The following SAE1 variants were observed in gnomAD, a reference collection of about 807,000 sequenced individuals.
SAE1 encodes SUMO-activating enzyme subunit 1.
Under a neutral mutation model 40.6 loss-of-function variants are expected in SAE1, and 11 were observed. The observed-to-expected ratio is 0.27, with a 90% CI of 0.17 to 0.45. The LOEUF (loss-of-function observed/expected upper bound fraction) is 0.45. Ranked by LOEUF, SAE1 falls within the 20% of genes least tolerant of loss-of-function variation. SAE1 has a pLI of 1.00. For missense variants in SAE1, 373 were observed against 427.3 expected, an observed-to-expected ratio of 0.87 and a Z score of 1.12; for synonymous variants, 155 against 154.3, an observed-to-expected ratio of 1.00 and a Z score of -0.03.
intron 2 of SAE1, among the ~76,000 whole-genome samples, chr19:47,147,354 C>T (rs986573129): frequency 1.3e-5 from 2 of 151,552 alleles, no homozygotes; most frequent in African/African-American, 4.8e-5. Context: ...TACAGGTGCA[C>T]GCCACCACAC....
chr19:47,188,571 G>C (rs1172168538), intron 6 of SAE1, among the ~76,000 whole-genome samples: 1 of 152,088 alleles, frequency 6.6e-6, no homozygotes, highest in African/African-American at 2.4e-5. Context: ...CTGGGTTTCT[G>C]GACTTTGCTT....
chr19:47,155,058 TCCAA>T, intron 4 of SAE1, 52 bp from the exon 5 acceptor site: 3 of 1,126,782 alleles, frequency 2.7e-6, no homozygotes, highest in Admixed American at 3.7e-5. Flanking sequence ...TTTTTTTGAT[TCCAA>T]TAACATGATT....
chr19:47,155,039 TG>T, intron 4 of SAE1, 74 bp from the exon 5 acceptor site: 1 of 928,726 alleles, frequency 1.1e-6, no homozygotes, highest in Non-Finnish European at 1.8e-6. Context: ...ATCTGTGACC[TG>T]GAGAGGCTTT....
At chr19:47,208,715 G>A (rs1198723791) in intron 8 of SAE1, among the ~76,000 whole-genome samples, 1 of 152,018 alleles carries the variant, frequency 6.6e-6, no homozygotes, top group Non-Finnish European at 1.5e-5. Context: ...GTGAGCCACT[G>A]CGCCCCACCT....
rs114004266 is a variant in SAE1, at chr19:47,141,686, A to G, written c.99-1808A>G. Among the ~76,000 whole-genome samples the G allele has an allele frequency of 4.3e-3, 660 of 152,162 alleles. 5 individuals are homozygous for G. The highest frequency in any genetic ancestry group is 0.015 in the African/African-American group (626 of 41,528). On this transcript the variant is annotated intron_variant, in intron 1 of 8. Coordinates refer to ENST00000270225, the MANE Select transcript of SAE1 (RefSeq NM_005500.3). ...AGGCATTGAGAGGAAGAAATGGTGC[A>G]TTTTGCGAGGGTGGAATGTTGTGAT...
At chr19:47,190,824 C>T (rs771106649) in intron 6 of SAE1, among the ~76,000 whole-genome samples, 2 of 152,186 alleles carry the variant, frequency 1.3e-5, no homozygotes, top group Non-Finnish European at 2.9e-5. Context: ...CCACTTCTCA[C>T]CCACTGAACT....
chr19:47,133,760 C>G (rs1390705238), intron 1 of SAE1, among the ~76,000 whole-genome samples: 2 of 152,062 alleles, frequency 1.3e-5, no homozygotes, highest in Non-Finnish European at 2.9e-5. Context: ...GAGCACCTAC[C>G]TGGAACGATG....
At chr19:47,181,055 G>A (rs1362419263) in intron 6 of SAE1, among the ~76,000 whole-genome samples, 4 of 152,096 alleles carry the variant, frequency 2.6e-5, no homozygotes, top group South Asian at 2.1e-4. Flanking sequence ...GGTGGCTCAC[G>A]CCTATAATCC....
intron 6 of SAE1, among the ~76,000 whole-genome samples, chr19:47,196,871 AC>A (rs1400607915): frequency 2.0e-5 from 3 of 151,904 alleles, no homozygotes; most frequent in South Asian, 2.1e-4. Flanking sequence ...TGCCTCTCTG[AC>A]TATGTTTGTT....
chr19:47,175,831 G>A (rs2058465629), intron 6 of SAE1, among the ~76,000 whole-genome samples: 1 of 152,176 alleles, frequency 6.6e-6, no homozygotes, highest in Admixed American at 6.6e-5. Flanking sequence ...CACCACCATA[G>A]TAGAAAAAAC....
At chr19:47,138,045 A>T (rs956947086) in intron 1 of SAE1, among the ~76,000 whole-genome samples, 69 of 140,950 alleles carry the variant, frequency 4.9e-4, no homozygotes, top group African/African-American at 1.7e-3. Context: ...TGTGTATTTT[A>T]TTTTTTTATT....
At chr19:47,194,525 T>G (rs1326403869) in intron 6 of SAE1, among the ~76,000 whole-genome samples, 1 of 152,202 alleles carries the variant, frequency 6.6e-6, no homozygotes, top group Non-Finnish European at 1.5e-5. Context: ...TGTAAAGCAC[T>G]CAGGGCTTGG....
intron 5 of SAE1, among the ~76,000 whole-genome samples, chr19:47,157,038 C>T (rs1377137743): frequency 1.3e-5 from 2 of 152,140 alleles, no homozygotes; most frequent in Non-Finnish European, 2.9e-5. Context: ...AGTTAAATTA[C>T]GCTAACGAGG....
Position 47,210,533 on chromosome 19 carries a change from T to C in SAE1, c.*1282T>C, listed in dbSNP as rs1268005052. 1 of 152,260 alleles carries C rather than the reference T, an allele frequency of 6.6e-6. No individual in the cohort carries two copies. Among genetic ancestry groups the C allele is most frequent in the Non-Finnish European group, 1.5e-5 (1 of 68,044 alleles). 9.4% of individuals were successfully genotyped at this position (152,260 alleles called of 1,614,324 possible). A position where few individuals can be genotyped will look rare whatever the true frequency, so the allele number is the denominator to read the frequency against. ...CTTTTATTGGAAGACCAGGTTTGCC[T>C]TGATGCAGCCAAAGTGCGTTCCAGT... On this transcript the variant is annotated 3_prime_UTR_variant, in exon 9 of 9. Coordinates refer to ENST00000270225, the MANE Select transcript of SAE1 (RefSeq NM_005500.3).
intron 2 of SAE1, 106 bp from the exon 3 acceptor site, chr19:47,150,093 AAAT>A: frequency 1.3e-6 from 1 of 755,072 alleles, no homozygotes; most frequent in Non-Finnish European, 1.9e-6. Flanking sequence ...AAAAAAAAAA[AAAT>A]TTAGGTGGTA....
intron 6 of SAE1, among the ~76,000 whole-genome samples, chr19:47,171,121 C>T (rs528517917): frequency 6.0e-5 from 9 of 149,160 alleles, no homozygotes; most frequent in Admixed American, 5.3e-4. Context: ...ACTGCAGGCG[C>T]GTGCCACCAC....
At chr19:47,140,738 C>T (rs529575414) in intron 1 of SAE1, among the ~76,000 whole-genome samples, 3 of 152,152 alleles carry the variant, frequency 2.0e-5, no homozygotes, top group South Asian at 4.1e-4. Flanking sequence ...GAGGCTGCAG[C>T]GAGCCCTGAT....
intron 5 of SAE1, among the ~76,000 whole-genome samples, chr19:47,169,534 C>T (rs1299479730): frequency 1.3e-5 from 2 of 152,148 alleles, no homozygotes; most frequent in African/African-American, 4.8e-5. Context: ...TGTGACCCAC[C>T]GCGCCTGGCC....
At chr19:47,139,253 A>T (rs1007807134) in intron 1 of SAE1, among the ~76,000 whole-genome samples, 1 of 152,208 alleles carries the variant, frequency 6.6e-6, no homozygotes, top group East Asian at 1.9e-4. Flanking sequence ...CGTGTTAGCC[A>T]CGATGGTCTC....
Sources: allele counts gnomAD v4.1 joint callset (sites outside exome capture counted in the v4.1 genomes callset), GRCh38; gene constraint gnomAD v4.1.1; transcripts MANE v1.5; gene names NCBI Gene and HGNC (gene_info 2026-07-23, HGNC 2026-07-21).